CAST: variants seen among roughly 807,000 people sequenced by gnomAD.
CAST encodes MIR583 host.
A neutral mutation model predicts 119.6 loss-of-function variants in CAST; 76 were observed. That is an observed-to-expected ratio of 0.64 (90% CI 0.53 to 0.77). The LOEUF is 0.77. Among genes scored for constraint, CAST ranks in the 30% least tolerant of loss-of-function variants. The pLI is 0.00. For missense variants in CAST, 953 were observed against 946.5 expected (o/e 1.01, Z -0.09); for synonymous variants, 319 against 331.6 (o/e 0.96, Z 0.41).
rs1049800381 is a variant in CAST, at chr5:96,741,362, T to C, written c.1011+4T>C. Reference sequence around the variant, plus strand: ...TGGAAAGAAAACTGAAAAAGAGGTATTGTTTTTAGTGTTGTTAAGGGAAAC... The same window carrying C: ...TGGAAAGAAAACTGAAAAAGAGGTACTGTTTTTAGTGTTGTTAAGGGAAAC... On this transcript the variant is annotated splice_donor_region_variant and intron_variant, in intron 14 of 31. Transcript: ENST00000675179. 1.1e-5 allele frequency: 18 copies of C among 1,591,852 alleles called. No homozygotes were observed. In the Admixed American group the frequency reaches 1.5e-4, roughly 13 times the overall value.
chr5:96,212,673 G>C, the CAST span, among the ~76,000 whole-genome samples: 1 of 152,128 alleles, frequency 6.6e-6, no homozygotes, highest in Non-Finnish European at 1.5e-5. Flanking sequence ...TGTTGAAAGA[G>C]GGCTATTGAA....
intron 1 of CAST, among the ~76,000 whole-genome samples, chr5:96,576,995 C>A (rs1746684117): frequency 6.6e-6 from 1 of 152,136 alleles, no homozygotes; most frequent in African/African-American, 2.4e-5. Flanking sequence ...TTCGCCCTCC[C>A]ACAACAGGCC....
At chr5:96,553,860 C>T (rs1263582781) in intron 1 of CAST, among the ~76,000 whole-genome samples, 1 of 152,126 alleles carries the variant, frequency 6.6e-6, no homozygotes, top group Non-Finnish European at 1.5e-5. Context: ...ATGTGAAGGA[C>T]CTCTTCAAGG....
chr5:96,541,334 TAAA>T (rs34079380), intron 1 of CAST, among the ~76,000 whole-genome samples: 4 of 150,984 alleles, frequency 2.6e-5, no homozygotes, highest in African/African-American at 9.7e-5. Context: ...GTCATTTTTT[TAAA>T]AAAAAAAATT....
chr5:96,456,736 G>T, the CAST span, among the ~76,000 whole-genome samples: 1 of 152,142 alleles, frequency 6.6e-6, no homozygotes, highest in Admixed American at 6.5e-5. Flanking sequence ...ATATAGTCTG[G>T]CTGTGTCCCC....
chr5:95,973,961 T>G, the CAST span, among the ~76,000 whole-genome samples: 3 of 151,878 alleles, frequency 2.0e-5, no homozygotes, highest in African/African-American at 7.3e-5. Context: ...AGCATTTAAG[T>G]TGAGTTTCTC....
At chr5:96,290,878 A>G in the CAST span, among the ~76,000 whole-genome samples, 1 of 152,178 alleles carries the variant, frequency 6.6e-6, no homozygotes, top group Non-Finnish European at 1.5e-5. Flanking sequence ...AGTAGGCTTT[A>G]CGTGTGTAAT....
At chr5:96,674,732 CTGT>C (rs1272862425) in intron 1 of CAST, among the ~76,000 whole-genome samples, 9 of 152,156 alleles carry the variant, frequency 5.9e-5, no homozygotes, top group Admixed American at 2.0e-4. Flanking sequence ...GGAATAAGAT[CTGT>C]TGTTCTATTG....
chr5:96,664,371 A>G (rs536723580), intron 1 of CAST, among the ~76,000 whole-genome samples: 1 of 149,772 alleles, frequency 6.7e-6, no homozygotes. Flanking sequence ...GTGTGTGTGC[A>G]TATATATGTG....
chr5:96,485,001 A>G, the CAST span, among the ~76,000 whole-genome samples: 1 of 152,202 alleles, frequency 6.6e-6, no homozygotes, highest in African/African-American at 2.4e-5. Flanking sequence ...TAAACAATTG[A>G]GAATTAAGTT....
intron 9 of CAST, among the ~76,000 whole-genome samples, chr5:96,732,966 A>G (rs1310072162): frequency 1.3e-5 from 2 of 152,218 alleles, no homozygotes; most frequent in Non-Finnish European, 2.9e-5. Flanking sequence ...TAAATGGGAC[A>G]GATATCCTGC....
At chr5:96,712,760 C>T (rs998824820) in intron 3 of CAST, among the ~76,000 whole-genome samples, 2 of 152,184 alleles carry the variant, frequency 1.3e-5, no homozygotes, top group African/African-American at 4.8e-5. Flanking sequence ...TTTTATTTCA[C>T]TCCCCATTTT....
the CAST span, among the ~76,000 whole-genome samples, chr5:96,099,410 A>G: frequency 6.6e-6 from 1 of 152,160 alleles, no homozygotes; most frequent in Non-Finnish European, 1.5e-5. Context: ...GTTGATTTTC[A>G]AGGGGAATGC....
At chr5:96,663,275 G>C in intron 1 of CAST, 1 of 700,182 alleles carries the variant, frequency 1.4e-6, no homozygotes, top group South Asian at 1.5e-5. Flanking sequence ...TCCGGGGTTT[G>C]GCGGGGAAGG....
the CAST span, among the ~76,000 whole-genome samples, chr5:96,353,311 A>G: frequency 3.1e-3 from 469 of 152,336 alleles, 2 homozygotes; most frequent in African/African-American, 0.011. Flanking sequence ...ACTTGTGTAT[A>G]TAATTTGCCT....
chr5:96,321,215 G>C, the CAST span, among the ~76,000 whole-genome samples: 1 of 152,170 alleles, frequency 6.6e-6, no homozygotes, highest in Non-Finnish European at 1.5e-5. Flanking sequence ...GTTATAGGAT[G>C]TTTAAAAGCA....
At chr5:96,014,429 T>G in the CAST span, among the ~76,000 whole-genome samples, 1 of 152,168 alleles carries the variant, frequency 6.6e-6, no homozygotes. Context: ...AAAAGTATAG[T>G]ATAGTTAATA....
intron 1 of CAST, among the ~76,000 whole-genome samples, chr5:96,573,639 C>CA (rs61542820): frequency 0.8 from 119,529 of 149,818 alleles, 47,715 homozygotes; most frequent in East Asian, 0.95. Context: ...CACCCTGTCT[C>CA]AAAAAAAAAA....
the CAST span, among the ~76,000 whole-genome samples, chr5:96,162,014 G>T: frequency 2.0e-5 from 3 of 152,068 alleles, no homozygotes; most frequent in Non-Finnish European, 2.9e-5. Flanking sequence ...CTTCTCTTGT[G>T]GATGCCTTTG....
Sources: allele counts gnomAD v4.1 joint callset (sites outside exome capture counted in the v4.1 genomes callset), GRCh38; gene constraint gnomAD v4.1.1; transcripts MANE v1.5; gene names NCBI Gene and HGNC (gene_info 2026-07-23, HGNC 2026-07-21).